The following MACROD2 variants were observed in gnomAD, a reference collection of about 807,000 sequenced individuals.
MACROD2 encodes ADP-ribose glycohydrolase MACROD2.
MACROD2 carries 36 observed loss-of-function variants against 70.4 expected under a neutral mutation model. The observed-to-expected ratio is 0.51, with a 90% confidence interval of 0.39 to 0.68. MACROD2 has a LOEUF of 0.68. Among genes scored for constraint, MACROD2 ranks in the 30% least tolerant of loss-of-function variants. The probability of loss-of-function intolerance (pLI) is 0.00; values close to 1 mark genes in which losing one functional copy is unlikely to be tolerated. For synonymous variants in MACROD2, 172 were observed against 178.8 expected (o/e 0.96, Z 0.30); for missense variants, 496 against 538.4 (o/e 0.92, Z 0.78).
chr20:15,041,500 C>T (rs150315453), intron 5 of MACROD2, among the ~76,000 whole-genome samples: 478 of 152,174 alleles, frequency 3.1e-3, no homozygotes, highest in African/African-American at 0.011. Context: ...GGATGAAGTA[C>T]AGTGGCATGA....
intron 3 of MACROD2, among the ~76,000 whole-genome samples, chr20:14,242,463 T>C (rs2081937670): frequency 6.6e-6 from 1 of 152,160 alleles, no homozygotes; most frequent in South Asian, 2.1e-4. Context: ...AGTATACATA[T>C]CTACTTTAGA....
chr20:15,496,424 A>G (rs2047298789), intron 7 of MACROD2, among the ~76,000 whole-genome samples: 1 of 152,226 alleles, frequency 6.6e-6, no homozygotes, highest in Non-Finnish European at 1.5e-5. Context: ...GATGAAAACC[A>G]TAACTCAATG....
At chr20:14,973,750 A>G (rs2074713132) in intron 5 of MACROD2, among the ~76,000 whole-genome samples, 1 of 152,164 alleles carries the variant, frequency 6.6e-6, no homozygotes, top group Non-Finnish European at 1.5e-5. Context: ...TCCCCTCTGT[A>G]TGGAAGATAG....
At chr20:15,313,977 T>G (rs903744592) in intron 6 of MACROD2, among the ~76,000 whole-genome samples, 1 of 152,222 alleles carries the variant, frequency 6.6e-6, no homozygotes, top group Non-Finnish European at 1.5e-5. Flanking sequence ...GAGATGATAT[T>G]TGTGATGCAT....
Position 14,085,629 on chromosome 20 carries a change from A to G in MACROD2, c.172A>G (p.Thr58Ala). ...TCCATTTTCTATTACAGAAGAAAAT[A>G]CTCAGGAAACATCCCAGGTGAAGAA... ...KGKGQNDEENTQETSQVKKSL... is the reference protein window; with the variant it reads ...KGKGQNDEENAQETSQVKKSL... Residue 58 changes from threonine (T) to alanine (A), a missense_variant, in exon 3 of 18, where the codon ACT becomes GCT. Thr to Ala is a moderately conservative substitution (Grantham distance 58). Coordinates refer to ENST00000684519, the MANE Select transcript of MACROD2 (RefSeq NM_001351661.2). 6.4e-7 allele frequency: 1 copy of G among 1,554,684 alleles called. No individual in the cohort carries two copies. The highest frequency in any genetic ancestry group is 8.7e-7 in the Non-Finnish European group (1 of 1,148,490).
chr20:16,018,581 C>G (rs2066961230), intron 15 of MACROD2, among the ~76,000 whole-genome samples: 1 of 152,162 alleles, frequency 6.6e-6, no homozygotes, highest in Admixed American at 6.5e-5. Context: ...TTATCTTTAA[C>G]CGGATATATG....
chr20:14,939,945 T>C (rs1314982544), intron 5 of MACROD2, among the ~76,000 whole-genome samples: 2 of 151,880 alleles, frequency 1.3e-5, no homozygotes, highest in Non-Finnish European at 2.9e-5. Context: ...TTTTATGTGT[T>C]GATTTTTTAT....
intron 3 of MACROD2, among the ~76,000 whole-genome samples, chr20:14,368,668 T>C (rs1047110744): frequency 6.6e-6 from 1 of 152,218 alleles, no homozygotes; most frequent in African/African-American, 2.4e-5. Flanking sequence ...TAGCTATTTG[T>C]TTAATGACTT....
chr20:14,498,132 C>T (rs2084874777), intron 4 of MACROD2, among the ~76,000 whole-genome samples: 1 of 151,674 alleles, frequency 6.6e-6, no homozygotes, highest in Admixed American at 6.6e-5. Flanking sequence ...TCCCTTCATA[C>T]AATGAGGCTG....
chr20:15,175,944 C>G (rs867298219), intron 5 of MACROD2, among the ~76,000 whole-genome samples: 1 of 152,204 alleles, frequency 6.6e-6, no homozygotes, highest in African/African-American at 2.4e-5. Flanking sequence ...TCTCTGCACT[C>G]TCGGAGGCCT....
chr20:15,707,909 C>A, intron 8 of MACROD2, among the ~76,000 whole-genome samples: 1 of 151,678 alleles, frequency 6.6e-6, no homozygotes, highest in South Asian at 2.1e-4. Flanking sequence ...AGAGCAAAGG[C>A]TGCATGGTGT....
At chr20:14,406,010 C>A (rs749414747) in intron 3 of MACROD2, among the ~76,000 whole-genome samples, 1 of 151,984 alleles carries the variant, frequency 6.6e-6, no homozygotes, top group African/African-American at 2.4e-5. Flanking sequence ...TGAATTATTC[C>A]TGTGGATCAT....
intron 4 of MACROD2, among the ~76,000 whole-genome samples, chr20:14,575,316 TTAA>T (rs1199609215): frequency 6.6e-6 from 1 of 152,178 alleles, no homozygotes; most frequent in African/African-American, 2.4e-5. Flanking sequence ...GCAAAACACT[TTAA>T]TGTCTGGCTT....
intron 5 of MACROD2, among the ~76,000 whole-genome samples, chr20:14,824,943 A>C (rs1316531408): frequency 6.6e-6 from 1 of 152,096 alleles, no homozygotes; most frequent in Non-Finnish European, 1.5e-5. Flanking sequence ...TTTTCCATTT[A>C]AGATAAATGA....
chr20:15,234,012 CTTT>C (rs1177498607), intron 6 of MACROD2, among the ~76,000 whole-genome samples: 2 of 29,184 alleles, frequency 6.9e-5, no homozygotes, highest in African/African-American at 1.6e-4. Context: ...TATATATATT[CTTT>C]TTTTTTTTTT....
At chr20:15,439,790 C>T (rs556199643) in intron 7 of MACROD2, among the ~76,000 whole-genome samples, 5 of 152,266 alleles carry the variant, frequency 3.3e-5, no homozygotes, top group African/African-American at 9.6e-5. Flanking sequence ...GGCACCAGAC[C>T]ACCTGCTTAC....
intron 5 of MACROD2, among the ~76,000 whole-genome samples, chr20:15,197,898 T>C (rs1435205559): frequency 1.3e-5 from 2 of 151,536 alleles, no homozygotes; most frequent in African/African-American, 4.9e-5. Flanking sequence ...GTTTTTGCCA[T>C]GTTGCCCAGC....
chr20:15,493,258 C>T (rs1030518640), intron 7 of MACROD2, among the ~76,000 whole-genome samples: 16 of 152,104 alleles, frequency 1.1e-4, no homozygotes, highest in African/African-American at 3.1e-4. Flanking sequence ...GGGATGTTGA[C>T]GGAAGCCCTG....
At chr20:15,088,367 G>C (rs1312377490) in intron 5 of MACROD2, among the ~76,000 whole-genome samples, 7 of 139,588 alleles carry the variant, frequency 5.0e-5, no homozygotes, top group African/African-American at 1.9e-4. Flanking sequence ...TGACTTGAAA[G>C]AATAACCATT....
Sources: allele counts gnomAD v4.1 joint callset (sites outside exome capture counted in the v4.1 genomes callset), GRCh38; gene constraint gnomAD v4.1.1; transcripts MANE v1.5; gene names NCBI Gene and HGNC (gene_info 2026-07-23, HGNC 2026-07-21).